The following CDYL2 variants were observed in gnomAD, a reference collection of about 807,000 sequenced individuals.
CDYL2 encodes chromodomain Y-like protein 2.
A neutral mutation model predicts 49.4 loss-of-function variants in CDYL2; 23 were observed. The ratio of observed to expected loss-of-function variants is 0.47; its 90% CI spans 0.34 to 0.66. The LOEUF (loss-of-function observed/expected upper bound fraction) is 0.66, where lower values mean the gene tolerates loss of function less well. Ranked by LOEUF, CDYL2 falls within the 30% of genes least tolerant of loss-of-function variation. CDYL2 has a pLI of 0.01. For synonymous variants in CDYL2, 360 were observed against 268.8 expected, an observed-to-expected ratio of 1.34 and a Z score of -3.32; for missense variants, 678 against 656.4, an observed-to-expected ratio of 1.03 and a Z score of -0.36.
intron 1 of CDYL2, among the ~76,000 whole-genome samples, chr16:80,795,418 C>T (rs971675327): frequency 6.6e-6 from 1 of 152,180 alleles, no homozygotes; most frequent in Non-Finnish European, 1.5e-5. Flanking sequence ...AATGGCCCTG[C>T]AAGCCTTCTC....
intron 1 of CDYL2, among the ~76,000 whole-genome samples, chr16:80,795,654 A>G (rs957211847): frequency 3.3e-5 from 5 of 152,188 alleles, no homozygotes; most frequent in African/African-American, 4.8e-5. Flanking sequence ...GGCTGACTCC[A>G]GACAAGGATA....
intron 1 of CDYL2, among the ~76,000 whole-genome samples, chr16:80,744,513 G>A (rs867515259): frequency 1.1e-4 from 16 of 152,246 alleles, no homozygotes; most frequent in African/African-American, 3.6e-4. Flanking sequence ...TTAGCATGTA[G>A]GAGCACCCTA....
chr16:80,672,689 C>T (rs1450755785), intron 2 of CDYL2, among the ~76,000 whole-genome samples: 2 of 152,164 alleles, frequency 1.3e-5, no homozygotes, highest in Non-Finnish European at 2.9e-5. Context: ...TGCAGGCCAG[C>T]TGCCTAACTA....
At chr16:80,782,523 AT>A in intron 1 of CDYL2, among the ~76,000 whole-genome samples, 1 of 147,956 alleles carries the variant, frequency 6.8e-6, no homozygotes, top group African/African-American at 2.5e-5. Context: ...AGCCAAAGAC[AT>A]AAGGAGAAAA....
chr16:80,791,292 T>C (rs1167726222), intron 1 of CDYL2, among the ~76,000 whole-genome samples: 3 of 152,204 alleles, frequency 2.0e-5, no homozygotes, highest in Non-Finnish European at 4.4e-5. Flanking sequence ...CCAAAGAGAC[T>C]ATAGAGATAT....
chr16:80,616,119 G>A (rs1906816423), intron 4 of CDYL2, among the ~76,000 whole-genome samples: 1 of 152,190 alleles, frequency 6.6e-6, no homozygotes, highest in South Asian at 2.1e-4. Flanking sequence ...GTGGCAGAAG[G>A]AGCAACAACT....
intron 1 of CDYL2, among the ~76,000 whole-genome samples, chr16:80,712,088 T>C (rs533380606): frequency 1.3e-5 from 2 of 149,422 alleles, no homozygotes; most frequent in African/African-American, 2.5e-5. Flanking sequence ...TAGATGTGTG[T>C]GTATATATAT....
chr16:80,711,194 C>T (rs572936858), intron 1 of CDYL2, among the ~76,000 whole-genome samples: 19 of 152,178 alleles, frequency 1.2e-4, no homozygotes, highest in Non-Finnish European at 2.5e-4. Flanking sequence ...TTTCAAGCGG[C>T]GCTGTTACCA....
At chr16:80,763,927 G>C (rs910198611) in intron 1 of CDYL2, among the ~76,000 whole-genome samples, 7 of 152,050 alleles carry the variant, frequency 4.6e-5, no homozygotes, top group African/African-American at 1.7e-4. Flanking sequence ...AAAAACTGAA[G>C]AGAAGGACAA....
At chr16:80,743,360 T>C (rs374028191) in intron 1 of CDYL2, among the ~76,000 whole-genome samples, 20 of 152,336 alleles carry the variant, frequency 1.3e-4, no homozygotes, top group South Asian at 1.0e-3. Flanking sequence ...ATAGAGAGAA[T>C]TCAAAAGAAG....
intron 1 of CDYL2, among the ~76,000 whole-genome samples, chr16:80,729,152 T>C (rs985016760): frequency 2.0e-5 from 3 of 152,146 alleles, no homozygotes; most frequent in African/African-American, 7.2e-5. Flanking sequence ...AGACACACAC[T>C]GGCAAATTGG....
At chr16:80,759,160 T>TTATA (rs1324733452) in intron 1 of CDYL2, among the ~76,000 whole-genome samples, 7 of 128,124 alleles carry the variant, frequency 5.5e-5, no homozygotes, top group African/African-American at 1.2e-4. Context: ...AATATATGGT[T>TTATA]TATATATATA....
chr16:80,639,707 C>A, intron 2 of CDYL2: 1 of 455,952 alleles, frequency 2.2e-6, no homozygotes, highest in Non-Finnish European at 4.4e-6. Flanking sequence ...GAAAGAAGCA[C>A]CGAAGAGGTA....
intron 1 of CDYL2, among the ~76,000 whole-genome samples, chr16:80,766,376 T>C (rs753716109): frequency 2.6e-5 from 4 of 152,104 alleles, no homozygotes; most frequent in Non-Finnish European, 5.9e-5. Flanking sequence ...AAAAATACAT[T>C]TGAAATGATA....
At chr16:80,771,199 G>C (rs989876811) in intron 1 of CDYL2, among the ~76,000 whole-genome samples, 14 of 152,146 alleles carry the variant, frequency 9.2e-5, no homozygotes, top group African/African-American at 3.4e-4. Flanking sequence ...ACCACACTAG[G>C]CCTCAGTTCA....
At chr16:80,630,190 A>G (rs1907496297) in intron 3 of CDYL2, among the ~76,000 whole-genome samples, 1 of 152,194 alleles carries the variant, frequency 6.6e-6, no homozygotes, top group Non-Finnish European at 1.5e-5. Flanking sequence ...AGCTGAAAAT[A>G]CCAGATCAAT....
chr16:80,711,158 G>A (rs766332110), intron 1 of CDYL2, among the ~76,000 whole-genome samples: 2 of 152,200 alleles, frequency 1.3e-5, no homozygotes, highest in Non-Finnish European at 2.9e-5. Context: ...CTGTGTTATT[G>A]GGTGAAAACC....
chr16:80,796,253 T>C (rs978387869), intron 1 of CDYL2, among the ~76,000 whole-genome samples: 2 of 152,192 alleles, frequency 1.3e-5, no homozygotes, highest in Non-Finnish European at 2.9e-5. Flanking sequence ...TTCAACTGAT[T>C]GAGTCAGGAC....
At chr16:80,802,955 T>C (rs915362129) in intron 1 of CDYL2, among the ~76,000 whole-genome samples, 1 of 152,200 alleles carries the variant, frequency 6.6e-6, no homozygotes, top group Non-Finnish European at 1.5e-5. Flanking sequence ...AAGAACCAGA[T>C]GGCGTTAACC....
Sources: gnomAD v4.1 joint callset for allele counts (sites outside exome capture counted in the v4.1 genomes callset) on GRCh38, gnomAD v4.1.1 for gene constraint, MANE v1.5 for transcripts, NCBI Gene and HGNC (gene_info 2026-07-23, HGNC 2026-07-21) for gene names.